ASIC2: variants seen among roughly 807,000 people sequenced by gnomAD.
ASIC2 encodes acid sensing ion channel subunit 2.
In ASIC2, 25 loss-of-function variants were observed where a neutral mutation model predicts 57.3. That is an observed-to-expected ratio of 0.44 (90% CI 0.32 to 0.61). ASIC2 has a LOEUF of 0.61. ASIC2 is among the 20% of genes least tolerant of loss of function. The probability of loss-of-function intolerance (pLI) is 0.06; values close to 1 mark genes in which losing one functional copy is unlikely to be tolerated. For synonymous variants in ASIC2, 319 were observed against 307.5 expected, an observed-to-expected ratio of 1.04 and a Z score of -0.39; for missense variants, 641 against 738.1, an observed-to-expected ratio of 0.87 and a Z score of 1.52.
At chr17:33,734,900 T>C (rs772306632) in intron 1 of ASIC2, among the ~76,000 whole-genome samples, 5 of 152,194 alleles carry the variant, frequency 3.3e-5, no homozygotes, top group Non-Finnish European at 1.5e-5. Context: ...CCCATCCACT[T>C]TGTGGTCTTG....
intron 1 of ASIC2, among the ~76,000 whole-genome samples, chr17:34,139,363 A>T (rs188448399): frequency 6.6e-6 from 1 of 152,220 alleles, no homozygotes; most frequent in African/African-American, 2.4e-5. Context: ...AAACAGATAG[A>T]TTCATATGTG....
chr17:33,916,936 A>T (rs533666647), intron 1 of ASIC2, among the ~76,000 whole-genome samples: 1 of 152,252 alleles, frequency 6.6e-6, no homozygotes, highest in South Asian at 2.1e-4. Flanking sequence ...AGGAAATGGC[A>T]GTAGTTCTTT....
intron 1 of ASIC2, among the ~76,000 whole-genome samples, chr17:33,910,213 A>G (rs1181231501): frequency 1.3e-5 from 2 of 152,214 alleles, no homozygotes; most frequent in South Asian, 2.1e-4. Flanking sequence ...GAGCATCCAT[A>G]TTCCGGTTGG....
chr17:33,451,377 C>T (rs1311536794), intron 1 of ASIC2, among the ~76,000 whole-genome samples: 1 of 152,140 alleles, frequency 6.6e-6, no homozygotes, highest in African/African-American at 2.4e-5. Flanking sequence ...CTCTTGAATA[C>T]CTTTCTCAAT....
chr17:33,439,393 C>T (rs1359860295), intron 1 of ASIC2, among the ~76,000 whole-genome samples: 1 of 152,140 alleles, frequency 6.6e-6, no homozygotes, highest in East Asian at 1.9e-4. Flanking sequence ...AAAGAAAAGA[C>T]TGTATGGAGT....
chr17:33,632,897 C>T (rs1906220517), intron 1 of ASIC2, among the ~76,000 whole-genome samples: 1 of 152,186 alleles, frequency 6.6e-6, no homozygotes, highest in Non-Finnish European at 1.5e-5. Context: ...TCTGTAAGTG[C>T]TCTAATTTAA....
intron 1 of ASIC2, among the ~76,000 whole-genome samples, chr17:33,131,960 C>T (rs1384701121): frequency 1.3e-5 from 2 of 152,122 alleles, no homozygotes; most frequent in South Asian, 2.1e-4. Flanking sequence ...CAGATACAAT[C>T]ATCCTGAGAC....
rs532306758 is a variant in ASIC2, at chr17:33,563,642, A to C, written c.556-451575T>G. Among the ~76,000 whole-genome samples, 50 of 152,278 alleles carry C rather than the reference A, an allele frequency of 3.3e-4. No homozygotes were observed. The South Asian group carries it at 1.0e-2, about 30-fold the overall frequency. On this transcript the variant is annotated intron_variant, in intron 1 of 9. Coordinates refer to the ASIC2 transcript ENST00000359872. ...GAGTGCATCAGGCTGAATGAGAAAA[A>C]GCATTCAGCCAGATCCAATCTTGTA...
At chr17:34,081,397 C>G (rs1909877532) in intron 1 of ASIC2, among the ~76,000 whole-genome samples, 1 of 152,148 alleles carries the variant, frequency 6.6e-6, no homozygotes. Flanking sequence ...TATTTCTTTG[C>G]CACACTTAGG....
At chr17:34,124,564 T>C (rs1598038362) in intron 1 of ASIC2, among the ~76,000 whole-genome samples, 1 of 152,302 alleles carries the variant, frequency 6.6e-6, no homozygotes, top group Middle Eastern at 3.4e-3. Context: ...TTCTGGTTTC[T>C]GTAACAGAAT....
At chr17:33,837,740 C>A (rs1467301125) in intron 1 of ASIC2, among the ~76,000 whole-genome samples, 1 of 152,132 alleles carries the variant, frequency 6.6e-6, no homozygotes, top group Non-Finnish European at 1.5e-5. Context: ...AAACAAAACC[C>A]CTTTAGTGAC....
chr17:33,087,163 T>C (rs2092137476), intron 3 of ASIC2, among the ~76,000 whole-genome samples: 3 of 152,316 alleles, frequency 2.0e-5, no homozygotes, highest in South Asian at 2.1e-4. Context: ...AGGCTGCCTG[T>C]CCATCTGCAT....
Position 33,292,574 on chromosome 17 carries a change from C to T in ASIC2, c.-459G>A, listed in dbSNP as rs562213151. ...CGCTGGTCCTGGGAGAAGGGCCACT[C>T]GGCCACCATGCCTGATCTGGACATC... On this transcript the variant is annotated 5_prime_UTR_variant, in exon 1 of 10. Coordinates refer to ENST00000225823, the MANE Select transcript of ASIC2 (RefSeq NM_183377.2). 1.2e-4 allele frequency: 117 copies of T among 985,818 alleles called. No individual in the cohort carries two copies. In the Middle Eastern group the frequency reaches 1.6e-3, roughly 13 times the overall value. 61.1% of individuals were successfully genotyped at this position (985,818 alleles called of 1,614,324 possible).
At chr17:34,134,546 C>T (rs1912076346) in intron 1 of ASIC2, among the ~76,000 whole-genome samples, 1 of 152,202 alleles carries the variant, frequency 6.6e-6, no homozygotes, top group Admixed American at 6.5e-5. Flanking sequence ...AGAGATGAGG[C>T]TGGAAGCACC....
chr17:33,292,998 T>C lies in ASIC2; in HGVS notation c.-883A>G, dbSNP rs139646085. On this transcript the variant is annotated 5_prime_UTR_variant, in exon 1 of 10. Coordinates refer to ENST00000225823, the MANE Select transcript of ASIC2 (RefSeq NM_183377.2). ...TCGGCTCTCCCAGGTGCCTCGCGTC[T>C]CCAGAAAAGCCCAGCCTTGCTGTCT... The C allele has an allele frequency of 0.013, 12,585 of 985,530 alleles. 101 individuals carry two copies. The highest frequency in any genetic ancestry group is 0.028 in the South Asian group (586 of 21,284). The allele number at this position is 985,530 out of a possible 1,614,324, so 61.0% of individuals were successfully genotyped here.
intron 1 of ASIC2, among the ~76,000 whole-genome samples, chr17:33,819,755 A>T (rs1225939345): frequency 6.6e-6 from 1 of 152,206 alleles, no homozygotes; most frequent in African/African-American, 2.4e-5. Context: ...CTGCTGTGTG[A>T]TCTTGTGCTA....
At chr17:33,973,227 G>C (rs748336505) in intron 1 of ASIC2, among the ~76,000 whole-genome samples, 4 of 152,198 alleles carry the variant, frequency 2.6e-5, no homozygotes, top group Admixed American at 6.5e-5. Flanking sequence ...AAGGGCCAAG[G>C]GTTATTCAGC....
At chr17:33,173,209 A>G (rs1213178068) in intron 1 of ASIC2, among the ~76,000 whole-genome samples, 1 of 152,118 alleles carries the variant, frequency 6.6e-6, no homozygotes, top group Non-Finnish European at 1.5e-5. Context: ...AGGGGGATCC[A>G]GGTTTGGGGC....
At chr17:33,459,919 C>T (rs112990504) in intron 1 of ASIC2, among the ~76,000 whole-genome samples, 3 of 152,090 alleles carry the variant, frequency 2.0e-5, no homozygotes, top group Admixed American at 1.3e-4. Context: ...TTAGGTGGCA[C>T]CAAGTTCATT....
Sources: allele counts gnomAD v4.1 joint callset (sites outside exome capture counted in the v4.1 genomes callset), GRCh38; gene constraint gnomAD v4.1.1; transcripts MANE v1.5; gene names NCBI Gene and HGNC (gene_info 2026-07-23, HGNC 2026-07-21).